MPPED2: variants seen among roughly 807,000 people sequenced by gnomAD.
The protein encoded by MPPED2 is metallophosphoesterase domain containing 2.
A neutral mutation model predicts 33.0 loss-of-function variants in MPPED2; 5 were observed. That is an observed-to-expected ratio of 0.15 (90% CI 0.08 to 0.32). The LOEUF (loss-of-function observed/expected upper bound fraction) is 0.32. Among genes scored for constraint, MPPED2 ranks in the 10% least tolerant of loss-of-function variants. The probability of loss-of-function intolerance (pLI) is 1.00; values close to 1 mark genes in which losing one functional copy is unlikely to be tolerated. For synonymous variants in MPPED2, 136 were observed against 141.9 expected, an observed-to-expected ratio of 0.96 and a Z score of 0.29; for missense variants, 275 against 372.1, an observed-to-expected ratio of 0.74 and a Z score of 2.15.
chr11:30,504,212 C>T (rs1312402184), intron 3 of MPPED2, among the ~76,000 whole-genome samples: 4 of 152,052 alleles, frequency 2.6e-5, no homozygotes, highest in Non-Finnish European at 5.9e-5. Flanking sequence ...ATTGTAACTC[C>T]AGCAGGAACA....
intron 2 of MPPED2, among the ~76,000 whole-genome samples, chr11:30,564,859 C>T (rs921130442): frequency 2.0e-5 from 3 of 152,128 alleles, no homozygotes; most frequent in Non-Finnish European, 2.9e-5. Context: ...TTCATGCCCC[C>T]CAATCTGACT....
chr11:30,585,775 A>T (rs1814162433), intron 1 of MPPED2, among the ~76,000 whole-genome samples: 1 of 151,962 alleles, frequency 6.6e-6, no homozygotes, highest in African/African-American at 2.4e-5. Context: ...CCTAAAAAAG[A>T]ATTTGCTTTC....
intron 2 of MPPED2, among the ~76,000 whole-genome samples, chr11:30,554,898 C>T (rs1281987923): frequency 6.6e-6 from 1 of 152,168 alleles, no homozygotes; most frequent in East Asian, 1.9e-4. Flanking sequence ...GTACACTGCT[C>T]ATTGTGATTT....
At chr11:30,534,777 C>T (rs1399965122) in intron 3 of MPPED2, among the ~76,000 whole-genome samples, 1 of 152,046 alleles carries the variant, frequency 6.6e-6, no homozygotes, top group African/African-American at 2.4e-5. Flanking sequence ...CATACACAAA[C>T]AAAAATGCAC....
intron 3 of MPPED2, among the ~76,000 whole-genome samples, chr11:30,496,548 T>A (rs575584045): frequency 6.6e-6 from 1 of 152,314 alleles, no homozygotes; most frequent in African/African-American, 2.4e-5. Flanking sequence ...CTGAGACCTA[T>A]GGGTCTGATG....
chr11:30,422,082 C>T (rs910065879), intron 4 of MPPED2, among the ~76,000 whole-genome samples: 8 of 152,186 alleles, frequency 5.3e-5, no homozygotes, highest in Admixed American at 5.2e-4. Flanking sequence ...TCACCTGAAC[C>T]TTAGGTTAGC....
intron 4 of MPPED2, among the ~76,000 whole-genome samples, chr11:30,467,924 T>C (rs1950783316): frequency 6.6e-6 from 1 of 152,118 alleles, no homozygotes. Flanking sequence ...ACTGATGCTA[T>C]GGCAGAACCA....
chr11:30,435,270 G>A (rs980562), intron 4 of MPPED2, among the ~76,000 whole-genome samples: 32,692 of 152,110 alleles, frequency 0.21, 4,216 homozygotes, highest in Non-Finnish European at 0.3. Context: ...CTCTTTATCT[G>A]GTGACACACC....
chr11:30,431,511 A>G (rs1329297674), intron 4 of MPPED2, among the ~76,000 whole-genome samples: 1 of 152,248 alleles, frequency 6.6e-6, no homozygotes, highest in Non-Finnish European at 1.5e-5. Flanking sequence ...AGTGCATGGC[A>G]CATAATAACC....
chr11:30,432,746 T>C (rs1816745852), intron 4 of MPPED2, among the ~76,000 whole-genome samples: 1 of 152,220 alleles, frequency 6.6e-6, no homozygotes, highest in African/African-American at 2.4e-5. Flanking sequence ...TATATATTTC[T>C]AGGTTATCTG....
intron 2 of MPPED2, among the ~76,000 whole-genome samples, chr11:30,565,247 C>T (rs763640650): frequency 2.6e-5 from 4 of 152,052 alleles, no homozygotes; most frequent in Admixed American, 1.3e-4. Context: ...AATGAGATTC[C>T]GCTTGGCCCT....
At chr11:30,387,769 C>T (rs1438874025) in exon 7 of MPPED2, 1 of 152,366 alleles carries the variant, frequency 6.6e-6, no homozygotes, top group African/African-American at 2.4e-5. Flanking sequence ...TTTCCATGGT[C>T]CCCCCCTCTC....
chr11:30,471,446 A>T (rs1950940488), intron 4 of MPPED2, among the ~76,000 whole-genome samples: 1 of 152,208 alleles, frequency 6.6e-6, no homozygotes, highest in Admixed American at 6.5e-5. Flanking sequence ...CATGTCCTGC[A>T]TTCTAACTTG....
At chr11:30,516,390 T>G (rs1278257755) in intron 3 of MPPED2, among the ~76,000 whole-genome samples, 4 of 152,156 alleles carry the variant, frequency 2.6e-5, no homozygotes, top group Non-Finnish European at 4.4e-5. Flanking sequence ...TGAATTTAAT[T>G]TAATATTTTT....
At position 30,460,147 on chromosome 11, in the gene MPPED2, C is replaced by T. The variant is rs539555823; in HGVS notation, c.536+35149G>A. ...TTTCACACCCTGCTTATAGCATTTT[C>T]TGTTTAAATCCAGAGGGTCCTGTAT... is the stretch of plus-strand genomic sequence containing the variant. On this transcript the variant is annotated intron_variant, in intron 4 of 6. Coordinates refer to ENST00000358117, the MANE Select transcript of MPPED2 (RefSeq NM_001584.3). Among the ~76,000 whole-genome samples the T allele has an allele frequency of 3.8e-4, 58 of 152,330 alleles. 1 individual carries two copies. Among genetic ancestry groups the T allele is most frequent in the South Asian group, 2.5e-3 (12 of 4,830 alleles).
chr11:30,416,861 A>G (rs536997874), intron 5 of MPPED2, among the ~76,000 whole-genome samples: 1 of 152,310 alleles, frequency 6.6e-6, no homozygotes, highest in Non-Finnish European at 1.5e-5. Context: ...GAAAAATTAA[A>G]AGGTAATAAG....
intron 4 of MPPED2, among the ~76,000 whole-genome samples, chr11:30,483,222 G>C (rs1396174503): frequency 6.6e-6 from 1 of 152,074 alleles, no homozygotes; most frequent in African/African-American, 2.4e-5. Flanking sequence ...ACTTTTTTCA[G>C]AACTTATCTT....
At chr11:30,436,050 CT>C (rs71060449) in intron 4 of MPPED2, among the ~76,000 whole-genome samples, 4,863 of 108,418 alleles carry the variant, frequency 0.045, 148 homozygotes, top group African/African-American at 0.11. Context: ...AGTTTAGCAT[CT>C]TTTTTTTTTT....
intron 3 of MPPED2, among the ~76,000 whole-genome samples, chr11:30,528,690 C>A (rs190411350): frequency 6.6e-6 from 1 of 152,232 alleles, no homozygotes; most frequent in East Asian, 1.9e-4. Context: ...AACTCCTGGG[C>A]TCAAGTGATC....
Sources: gnomAD v4.1 joint callset for allele counts (sites outside exome capture counted in the v4.1 genomes callset) on GRCh38, gnomAD v4.1.1 for gene constraint, MANE v1.5 for transcripts, NCBI Gene and HGNC (gene_info 2026-07-23, HGNC 2026-07-21) for gene names.